FBXW11: variants seen among roughly 807,000 people sequenced by gnomAD.
FBXW11 encodes the protein F-box and WD repeat domain containing 11.
FBXW11 carries 19 observed loss-of-function variants against 77.6 expected under a neutral mutation model. That is an observed-to-expected ratio of 0.24 (90% CI 0.17 to 0.36). FBXW11 has a LOEUF of 0.36. Among genes scored for constraint, FBXW11 ranks in the 10% least tolerant of loss-of-function variants. The probability of loss-of-function intolerance (pLI) is 1.00; values close to 1 mark genes in which losing one functional copy is unlikely to be tolerated. For missense variants in FBXW11, 334 were observed against 704.2 expected (o/e 0.47, Z 5.95); for synonymous variants, 235 against 249.4 (o/e 0.94, Z 0.54).
intron 1 of FBXW11, 46 bp downstream of exon 1, chr5:172,006,412 G>T: frequency 6.6e-7 from 1 of 1,510,386 alleles, no homozygotes; most frequent in East Asian, 2.7e-5. Flanking sequence ...GGCCCGCCCG[G>T]GGCCGGACGG....
chr5:171,905,403 G>A (rs746984594), intron 4 of FBXW11, among the ~76,000 whole-genome samples: 3 of 152,060 alleles, frequency 2.0e-5, no homozygotes, highest in Non-Finnish European at 4.4e-5. Context: ...GTCTTGCTGC[G>A]AAAGTTTAAA....
At chr5:171,867,966 T>A (rs1271871108) in intron 13 of FBXW11, 1 of 152,228 alleles carries the variant, frequency 6.6e-6, no homozygotes, top group Non-Finnish European at 1.5e-5. Flanking sequence ...CAAGTAAGAC[T>A]TCTCATCTTC....
intron 2 of FBXW11, 96 bp from the exon 3 acceptor site, chr5:171,914,501 C>T (rs1005776018): frequency 2.0e-6 from 2 of 993,748 alleles, no homozygotes; most frequent in Non-Finnish European, 2.9e-6. Flanking sequence ...CTAGAGTGTA[C>T]CAATACAAAC....
intron 6 of FBXW11, among the ~76,000 whole-genome samples, chr5:171,893,549 A>C (rs969856842): frequency 9.2e-5 from 14 of 151,702 alleles, no homozygotes; most frequent in African/African-American, 3.1e-4. Context: ...TTTCTTAAGC[A>C]GAACTCAACG....
At chr5:171,968,013 C>G (rs1237456330) in intron 1 of FBXW11, among the ~76,000 whole-genome samples, 2 of 151,902 alleles carry the variant, frequency 1.3e-5, no homozygotes, top group Non-Finnish European at 2.9e-5. Context: ...ACAGCTCAAA[C>G]TTCTCCATTC....
intron 1 of FBXW11, among the ~76,000 whole-genome samples, chr5:171,976,785 G>A (rs1561741653): frequency 1.3e-5 from 2 of 152,046 alleles, no homozygotes; most frequent in Admixed American, 6.5e-5. Context: ...GGTCGTTCAC[G>A]CCTGTAACCC....
intron 2 of FBXW11, among the ~76,000 whole-genome samples, chr5:171,952,010 C>A (rs1763345749): frequency 6.6e-6 from 1 of 152,098 alleles, no homozygotes; most frequent in African/African-American, 2.4e-5. Context: ...AAAATGAAAT[C>A]TTCCTAAGAG....
intron 1 of FBXW11, among the ~76,000 whole-genome samples, chr5:171,964,473 C>A (rs1429328687): frequency 2.0e-5 from 3 of 152,176 alleles, no homozygotes; most frequent in African/African-American, 7.2e-5. Context: ...CTAGAGTCCC[C>A]ATTCAGTTTC....
intron 7 of FBXW11, 53 bp from the exon 8 acceptor site, chr5:171,878,182 G>A: frequency 8.1e-7 from 1 of 1,239,800 alleles, no homozygotes; most frequent in Non-Finnish European, 1.2e-6. Flanking sequence ...ATATTTTGAT[G>A]AATGTTACTG....
At chr5:171,880,987 G>A (rs561697799) in intron 7 of FBXW11, among the ~76,000 whole-genome samples, 1 of 152,272 alleles carries the variant, frequency 6.6e-6, no homozygotes, top group South Asian at 2.1e-4. Flanking sequence ...GTGAGCCACC[G>A]CGCCCAGCCA....
intron 9 of FBXW11, among the ~76,000 whole-genome samples, chr5:171,874,200 CAA>C (rs982363723): frequency 5.3e-5 from 8 of 151,990 alleles, no homozygotes; most frequent in African/African-American, 1.7e-4. Flanking sequence ...TTAAAGTGGG[CAA>C]AAGATTTAAA....
In FBXW11 at chr5:171,972,047, C is replaced by T. The variant is rs188833325; in HGVS notation, c.46-14349G>A. Among the ~76,000 whole-genome samples, 241 of 150,074 alleles carry T rather than the reference C, an allele frequency of 1.6e-3. 3 individuals are homozygous for T. Among genetic ancestry groups the T allele is most frequent in the African/African-American group, 5.6e-3 (228 of 40,490 alleles). Reference sequence around the variant, plus strand: ...AGGAGTTTGAGACCAGCCTGGGCAACACGGTGAAACCCTGTCTCTACAAAA... The same window carrying T: ...AGGAGTTTGAGACCAGCCTGGGCAATACGGTGAAACCCTGTCTCTACAAAA... On this transcript the variant is annotated intron_variant, in intron 1 of 13. Transcript: ENST00000517395.
chr5:171,935,858 C>A (rs1414380532), intron 2 of FBXW11, among the ~76,000 whole-genome samples: 1 of 152,074 alleles, frequency 6.6e-6, no homozygotes, highest in Non-Finnish European at 1.5e-5. Context: ...CACCTGTAAT[C>A]TCAGCACTTT....
chr5:171,898,505 C>T (rs537837441), intron 6 of FBXW11, among the ~76,000 whole-genome samples: 1 of 152,282 alleles, frequency 6.6e-6, no homozygotes, highest in African/African-American at 2.4e-5. Flanking sequence ...GGTGAAGTTA[C>T]GCTCAAATCC....
At chr5:171,912,524 T>C (rs1288146610) in intron 3 of FBXW11, among the ~76,000 whole-genome samples, 1 of 152,138 alleles carries the variant, frequency 6.6e-6, no homozygotes, top group Non-Finnish European at 1.5e-5. Context: ...AAGTTAGAAA[T>C]AACTGCCCAA....
chr5:171,966,012 C>T (rs1764168564), intron 1 of FBXW11, among the ~76,000 whole-genome samples: 1 of 152,138 alleles, frequency 6.6e-6, no homozygotes, highest in African/African-American at 2.4e-5. Flanking sequence ...CGTGGTAAGA[C>T]ATGCTTGTTT....
chr5:171,993,384 C>T (rs1258917916), intron 1 of FBXW11, among the ~76,000 whole-genome samples: 1 of 152,196 alleles, frequency 6.6e-6, no homozygotes. Flanking sequence ...AAGGCCCAGG[C>T]GGGTGGATCA....
intron 4 of FBXW11, among the ~76,000 whole-genome samples, chr5:171,905,978 T>C (rs528954892): frequency 1.3e-5 from 2 of 152,316 alleles, no homozygotes; most frequent in East Asian, 3.9e-4. Context: ...ATGCTGCTGT[T>C]GTTAATTACA....
At position 171,994,177 on chromosome 5, in the gene FBXW11, G is replaced by A. The variant is rs571362608; in HGVS notation, c.45+12281C>T. Among the ~76,000 whole-genome samples, 28 of 152,296 alleles carry A rather than the reference G, an allele frequency of 1.8e-4. No homozygotes were observed. The South Asian group carries it at 5.4e-3, about 29-fold the overall frequency. ...GATTTCTGCCCCTTTATCACTGGAT[G>A]ATACTCTAATCTACAGGTAATATAG... On this transcript the variant is annotated intron_variant, in intron 1 of 13. Transcript: ENST00000517395.
Sources: allele counts gnomAD v4.1 joint callset (sites outside exome capture counted in the v4.1 genomes callset), GRCh38; gene constraint gnomAD v4.1.1; transcripts MANE v1.5; gene names NCBI Gene and HGNC (gene_info 2026-07-23, HGNC 2026-07-21).